The following DUSP14 variants were observed in gnomAD, a reference collection of about 807,000 sequenced individuals.
DUSP14 encodes the protein dual specificity phosphatase 14, also known as dual specificity protein phosphatase 14.
DUSP14 carries 5 observed loss-of-function variants against 13.2 expected under a neutral mutation model. The ratio of observed to expected loss-of-function variants is 0.38; its 90% CI spans 0.20 to 0.80. The LOEUF is 0.80. DUSP14 is among the 30% of genes least tolerant of loss of function. DUSP14 has a pLI of 0.44. For missense variants in DUSP14, 185 were observed against 264.0 expected (o/e 0.70, Z 2.07); for synonymous variants, 91 against 103.4 (o/e 0.88, Z 0.73).
At chr17:37,498,604 G>A (rs1005600125) in intron 1 of DUSP14, among the ~76,000 whole-genome samples, 19 of 151,786 alleles carry the variant, frequency 1.3e-4, no homozygotes, top group Non-Finnish European at 2.8e-4. Flanking sequence ...GGGATTACAG[G>A]CGTGAGCCAC....
chr17:37,507,627 A>G (rs1376789382), intron 1 of DUSP14, among the ~76,000 whole-genome samples: 2 of 151,964 alleles, frequency 1.3e-5, no homozygotes, highest in African/African-American at 4.8e-5. Flanking sequence ...TAATTTTTGT[A>G]TTTTTAGTAG....
intron 2 of DUSP14, among the ~76,000 whole-genome samples, chr17:37,511,931 C>G (rs867404229): frequency 4.3e-4 from 17 of 39,438 alleles, no homozygotes; most frequent in African/African-American, 1.0e-3. Context: ...ACCCCCCCCC[C>G]ACCCCACTTT....
intron 1 of DUSP14, among the ~76,000 whole-genome samples, chr17:37,508,721 C>T (rs1364075663): frequency 6.8e-6 from 1 of 147,796 alleles, no homozygotes; most frequent in African/African-American, 2.5e-5. Flanking sequence ...GTGACAGAGC[C>T]AGACTCCATC....
At chr17:37,493,672 CTTTT>C (rs35368460) in intron 1 of DUSP14, among the ~76,000 whole-genome samples, 1 of 137,316 alleles carries the variant, frequency 7.3e-6, no homozygotes. Context: ...TTTCATCAAT[CTTTT>C]TTTTTTTTTT....
At chr17:37,499,968 C>T (rs2054094610) in intron 1 of DUSP14, among the ~76,000 whole-genome samples, 1 of 152,242 alleles carries the variant, frequency 6.6e-6, no homozygotes, top group African/African-American at 2.4e-5. Context: ...CCCTCTCGTT[C>T]AGCTGAAAAC....
chr17:37,501,869 C>T (rs1319123811), intron 1 of DUSP14, among the ~76,000 whole-genome samples: 1 of 152,104 alleles, frequency 6.6e-6, no homozygotes, highest in East Asian at 1.9e-4. Context: ...GGTATACAAT[C>T]TATAAAACAA....
chr17:37,510,195 A>G (rs2054173728), intron 1 of DUSP14: 1 of 152,108 alleles, frequency 6.6e-6, no homozygotes, highest in Non-Finnish European at 1.5e-5. Flanking sequence ...CCTGGTGCAC[A>G]CTGTCCTCCA....
chr17:37,512,893 G>T lies in DUSP14; in HGVS notation c.*24G>T, dbSNP rs772563322. 6.4e-7 allele frequency: 1 copy of T among 1,573,506 alleles called. No individual in the cohort carries two copies. Among genetic ancestry groups the T allele is most frequent in the East Asian group, 2.3e-5 (1 of 44,094 alleles). On this transcript the variant is annotated 3_prime_UTR_variant, in exon 3 of 3. Transcript: ENST00000617516. The surrounding 1 kb of genome is among the most constrained non-coding windows in gnomAD (Gnocchi z 4.8). ...AGTGCCACTGAAGCCTGCGTCAGCAGCCCGAGCGGGGCCGGCATCTGCTCC... is the reference window on the plus strand; with the variant it reads ...AGTGCCACTGAAGCCTGCGTCAGCATCCCGAGCGGGGCCGGCATCTGCTCC...
At chr17:37,489,425 C>A (rs1214596925), upstream of DUSP14, among the ~76,000 whole-genome samples, 1 of 152,204 alleles carries the variant, frequency 6.6e-6, no homozygotes, top group Admixed American at 6.5e-5. Context: ...AACCCCCGGG[C>A]TCTCCGGGCT....
intron 1 of DUSP14, among the ~76,000 whole-genome samples, chr17:37,504,534 AC>A (rs2054125388): frequency 6.6e-6 from 1 of 152,216 alleles, no homozygotes; most frequent in African/African-American, 2.4e-5. Flanking sequence ...ATGTTTTACC[AC>A]AATTGCTAAA....
chr17:37,499,520 T>C (rs2054091181), intron 1 of DUSP14, among the ~76,000 whole-genome samples: 2 of 150,110 alleles, frequency 1.3e-5, no homozygotes, highest in Non-Finnish European at 3.0e-5. Flanking sequence ...GAAGTGTTTT[T>C]GTTTGTTTGT....
rs869304104 is a variant in DUSP14, at chr17:37,509,128, TACACACACACACACAC to T, written c.-180-1524_-180-1509del. ...CCATATATATATATATATATATATA[TACACACACACACACAC>T]ACACACACACACACACACACACACT... On this transcript the variant is annotated intron_variant, in intron 1 of 2. Coordinates refer to ENST00000617516, the MANE Select transcript of DUSP14 (RefSeq NM_007026.4). Among the ~76,000 whole-genome samples, 27 of 31,186 alleles carry T rather than the reference TACACACACACACACAC, an allele frequency of 8.7e-4. 5 individuals are homozygous for T. The South Asian group carries it at 0.013, about 15-fold the overall frequency. 20.5% of individuals were successfully genotyped at this position (31,186 alleles called of 152,430 possible). A position where few individuals can be genotyped will look rare whatever the true frequency, so the allele number is the denominator to read the frequency against.
At chr17:37,499,278 G>C (rs1031580803) in intron 1 of DUSP14, among the ~76,000 whole-genome samples, 16 of 152,156 alleles carry the variant, frequency 1.1e-4, no homozygotes, top group African/African-American at 3.9e-4. Context: ...TTCAAGGTGA[G>C]ATTTGAGTGG....
chr17:37,505,436 A>G (rs1432993485), intron 1 of DUSP14, among the ~76,000 whole-genome samples: 3 of 152,154 alleles, frequency 2.0e-5, no homozygotes, highest in Non-Finnish European at 4.4e-5. Context: ...AAGCTTTTTG[A>G]ATATAAAAAG....
chr17:37,490,911 C>T (rs923143563), intron 1 of DUSP14, among the ~76,000 whole-genome samples: 6 of 152,100 alleles, frequency 3.9e-5, no homozygotes, highest in Non-Finnish European at 5.9e-5. Flanking sequence ...AGAGATTTAA[C>T]CCAGAGTCTC....
At chr17:37,489,162 C>T (rs557788685), upstream of DUSP14, among the ~76,000 whole-genome samples, 1 of 152,214 alleles carries the variant, frequency 6.6e-6, no homozygotes, top group South Asian at 2.1e-4. Flanking sequence ...CAGAGTCACA[C>T]AGCAAATGAG....
intron 1 of DUSP14, among the ~76,000 whole-genome samples, chr17:37,495,662 T>C (rs1597966927): frequency 6.6e-6 from 1 of 151,952 alleles, no homozygotes; most frequent in African/African-American, 2.4e-5. Context: ...TTTTTTTTGT[T>C]TTTTTGTTTT....
At chr17:37,495,426 C>T (rs2054057012) in intron 1 of DUSP14, among the ~76,000 whole-genome samples, 1 of 152,122 alleles carries the variant, frequency 6.6e-6, no homozygotes, top group Non-Finnish European at 1.5e-5. Flanking sequence ...TGTCTTTGTC[C>T]CAGAACAGTT....
At chr17:37,505,730 T>G (rs1019360079) in intron 1 of DUSP14, among the ~76,000 whole-genome samples, 7 of 151,434 alleles carry the variant, frequency 4.6e-5, no homozygotes, top group African/African-American at 1.5e-4. Context: ...GTAGCAATTC[T>G]GAGTGTCAGG....
Sources: gnomAD v4.1 joint callset for allele counts (sites outside exome capture counted in the v4.1 genomes callset) on GRCh38, gnomAD v4.1.1 for gene constraint, Gnocchi (gnomAD v3.1) non-coding constraint, MANE v1.5 for transcripts, NCBI Gene and HGNC (gene_info 2026-07-23, HGNC 2026-07-21) for gene names.